The following HORMAD2 variants were observed in gnomAD, a reference collection of about 807,000 sequenced individuals.
The protein encoded by HORMAD2 is HORMA domain containing 2, also known as HORMA domain-containing protein 2.
In HORMAD2, 45 loss-of-function variants were observed where a neutral mutation model predicts 38.8. That is an observed-to-expected ratio of 1.16 (90% CI 0.91 to 1.49). The LOEUF is 1.49. HORMAD2 is among the 40% of genes most tolerant of loss of function. HORMAD2 has a pLI of 0.00. For synonymous variants in HORMAD2, 126 were observed against 122.8 expected (o/e 1.03, Z -0.17); for missense variants, 338 against 367.0 (o/e 0.92, Z 0.65).
chr22:30,204,441 T>C, the HORMAD2 span, among the ~76,000 whole-genome samples: 3 of 152,138 alleles, frequency 2.0e-5, no homozygotes, highest in African/African-American at 7.2e-5. Context: ...CCACACATAG[T>C]AGGTGATCAG....
chr22:30,155,089 A>AG (rs1012423954), intron 10 of HORMAD2, among the ~76,000 whole-genome samples: 7 of 151,712 alleles, frequency 4.6e-5, no homozygotes, highest in Middle Eastern at 3.4e-3. Context: ...AAAAAAAAAA[A>AG]AAAGAAAGAA....
At chr22:30,175,122 A>C (rs1464853224) in intron 10 of HORMAD2, among the ~76,000 whole-genome samples, 1 of 149,322 alleles carries the variant, frequency 6.7e-6, no homozygotes, top group Non-Finnish European at 1.5e-5. Context: ...ACATATCAAT[A>C]ATAATAACAT....
intron 10 of HORMAD2, among the ~76,000 whole-genome samples, chr22:30,142,029 G>A (rs752350626): frequency 2.0e-5 from 3 of 152,096 alleles, no homozygotes; most frequent in Non-Finnish European, 4.4e-5. Context: ...GCAAGAGAAT[G>A]GCTTGAGGTG....
intron 10 of HORMAD2, among the ~76,000 whole-genome samples, chr22:30,139,834 A>C (rs750382100): frequency 4.6e-5 from 7 of 151,924 alleles, no homozygotes; most frequent in Non-Finnish European, 7.4e-5. Context: ...TCTTGAAATG[A>C]TCATGTGATT....
chr22:30,097,501 A>G (rs2068803910), intron 2 of HORMAD2, among the ~76,000 whole-genome samples: 1 of 152,236 alleles, frequency 6.6e-6, no homozygotes, highest in African/African-American at 2.4e-5. Flanking sequence ...ACTATGTGAC[A>G]TCTTACAGAA....
At chr22:30,110,840 C>T (rs948713996) in intron 5 of HORMAD2, among the ~76,000 whole-genome samples, 2 of 151,934 alleles carry the variant, frequency 1.3e-5, no homozygotes, top group African/African-American at 4.8e-5. Context: ...GTGGCTTCCA[C>T]ATCTGCAACC....
chr22:30,136,918 C>T (rs1003236970), intron 10 of HORMAD2: 5 of 494,214 alleles, frequency 1.0e-5, no homozygotes, highest in Non-Finnish European at 1.8e-5. Flanking sequence ...TTGACCACTT[C>T]TTTCAAGTCA....
At chr22:30,153,867 A>C (rs1924908039) in intron 10 of HORMAD2, among the ~76,000 whole-genome samples, 1 of 152,142 alleles carries the variant, frequency 6.6e-6, no homozygotes, top group East Asian at 1.9e-4. Flanking sequence ...TTCCATTCAA[A>C]ATATATTTCA....
chr22:30,174,377 T>G (rs1220231058), intron 10 of HORMAD2, among the ~76,000 whole-genome samples: 1 of 152,126 alleles, frequency 6.6e-6, no homozygotes, highest in Non-Finnish European at 1.5e-5. Context: ...GTGGATAAAT[T>G]TGTTGGTTTA....
At chr22:30,114,024 T>A (rs1921858686) in intron 7 of HORMAD2, among the ~76,000 whole-genome samples, 1 of 152,242 alleles carries the variant, frequency 6.6e-6, no homozygotes, top group African/African-American at 2.4e-5. Flanking sequence ...GTATTTATCA[T>A]GTTTTCTTAT....
At chr22:30,119,787 A>T (rs974559961) in intron 8 of HORMAD2, among the ~76,000 whole-genome samples, 1 of 152,108 alleles carries the variant, frequency 6.6e-6, no homozygotes, top group African/African-American at 2.4e-5. Flanking sequence ...GATGAGAGAC[A>T]TGGCCTAATT....
intron 2 of HORMAD2, among the ~76,000 whole-genome samples, chr22:30,096,819 AT>A (rs1403837205): frequency 6.6e-6 from 1 of 152,022 alleles, no homozygotes; most frequent in African/African-American, 2.4e-5. Flanking sequence ...ACACTTTTTC[AT>A]TTGTTTATTG....
rs1921682811 is a variant in HORMAD2 at position 30,111,817 on chromosome 22, G to A, written c.315+1G>A. ...GAAGCTACGTATGGCAGTACTGACAGTAAGTACACACTCATTTAAAGACCA... is the reference window on the plus strand; with the variant it reads ...GAAGCTACGTATGGCAGTACTGACAATAAGTACACACTCATTTAAAGACCA... On this transcript the variant is annotated splice_donor_variant, in intron 6 of 10. Coordinates refer to ENST00000336726, the MANE Select transcript of HORMAD2 (RefSeq NM_152510.4). LOFTEE classifies it high-confidence loss of function. 1.9e-6 allele frequency: 3 copies of A among 1,570,480 alleles called. No individual in the cohort carries two copies. In the Admixed American group the frequency reaches 5.5e-5, roughly 29 times the overall value.
chr22:30,206,639 C>A, the HORMAD2 span, among the ~76,000 whole-genome samples: 1 of 151,832 alleles, frequency 6.6e-6, no homozygotes, highest in South Asian at 2.1e-4. Context: ...ATGCCACCAT[C>A]CCCAGCTAAT....
At chr22:30,083,620 T>C (rs2068522090) in intron 1 of HORMAD2, among the ~76,000 whole-genome samples, 1 of 151,778 alleles carries the variant, frequency 6.6e-6, no homozygotes, top group African/African-American at 2.4e-5. Context: ...GAAAGGAGTC[T>C]GGCTTTTTTT....
At chr22:30,195,808 T>A in the HORMAD2 span, among the ~76,000 whole-genome samples, 18,028 of 151,988 alleles carry the variant, frequency 0.12, 2,036 homozygotes, top group African/African-American at 0.28. Context: ...CATCATCAGC[T>A]CCACTGTCTG....
chr22:30,122,199 A>T lies in HORMAD2; in HGVS notation c.804A>T (p.Glu268Asp). The T allele has an allele frequency of 5.6e-6, 9 of 1,611,954 alleles. No homozygotes were observed. Among genetic ancestry groups the T allele is most frequent in the Non-Finnish European group, 6.8e-6 (8 of 1,178,872 alleles). ...AHQGLDCDEE[E>D]ECNDHIQRMN... The stretch of plus-strand genomic sequence containing the variant: ...AGGGTCTAGACTGTGATGAGGAAGA[A>T]GAATGCAATGACCATGTAAGGCAAA... The change falls in exon 10 of 11, where the codon GAA (glutamate) becomes GAT (aspartate). Residue 268 changes from glutamate (E) to aspartate (D), a missense_variant. By Grantham distance (45) the Glu-to-Asp change is conservative. Coordinates refer to ENST00000336726, the MANE Select transcript of HORMAD2 (RefSeq NM_152510.4).
chr22:30,103,377 A>G, intron 3 of HORMAD2, 60 bp from the exon 4 acceptor site: 1 of 915,280 alleles, frequency 1.1e-6, no homozygotes, highest in Non-Finnish European at 1.8e-6. Context: ...TTTAGCATGG[A>G]CAATTTCAGT....
chr22:30,097,361 C>T (rs1189481792), intron 2 of HORMAD2, among the ~76,000 whole-genome samples: 1 of 152,134 alleles, frequency 6.6e-6, no homozygotes, highest in Non-Finnish European at 1.5e-5. Context: ...TTTTATGGCA[C>T]ACTATTTCTT....
Sources: allele counts gnomAD v4.1 joint callset (sites outside exome capture counted in the v4.1 genomes callset), GRCh38; gene constraint gnomAD v4.1.1; transcripts MANE v1.5; gene names NCBI Gene and HGNC (gene_info 2026-07-23, HGNC 2026-07-21).